ADAM2: variants seen among roughly 807,000 people sequenced by gnomAD.
ADAM2 encodes the protein ADAM metallopeptidase domain 2, also known as disintegrin and metalloproteinase domain-containing protein 2.
ADAM2 carries 101 observed loss-of-function variants against 99.3 expected under a neutral mutation model. The ratio of observed to expected loss-of-function variants is 1.02; its 90% confidence interval spans 0.87 to 1.20. ADAM2 has a LOEUF of 1.20. Ranked by LOEUF, ADAM2 falls within the 50% of genes most tolerant of loss-of-function variation. The pLI is 0.00. For missense variants in ADAM2, 948 were observed against 878.7 expected (o/e 1.08, Z -1.00); for synonymous variants, 323 against 287.6 (o/e 1.12, Z -1.25).
At chr8:39,835,075 G>A (rs552681427) in intron 2 of ADAM2, among the ~76,000 whole-genome samples, 4 of 152,192 alleles carry the variant, frequency 2.6e-5, no homozygotes, top group South Asian at 2.1e-4. Flanking sequence ...ATATGCTTAC[G>A]TTCTGAGGCA....
chr8:39,777,670 T>C (rs1484751789), intron 10 of ADAM2, among the ~76,000 whole-genome samples: 1 of 151,952 alleles, frequency 6.6e-6, no homozygotes, highest in Non-Finnish European at 1.5e-5. Flanking sequence ...TGTTGAAATA[T>C]GTGAGTGGAA....
At chr8:39,814,870 T>C (rs907708231) in intron 6 of ADAM2, among the ~76,000 whole-genome samples, 13 of 150,948 alleles carry the variant, frequency 8.6e-5, no homozygotes, top group Non-Finnish European at 7.4e-5. Flanking sequence ...TTATATGTGA[T>C]GATAACAAGC....
At chr8:39,764,833 G>A (rs1039877449) in intron 14 of ADAM2, among the ~76,000 whole-genome samples, 1 of 151,998 alleles carries the variant, frequency 6.6e-6, no homozygotes, top group Non-Finnish European at 1.5e-5. Context: ...GGCCAACATG[G>A]CAAAACCCTA....
At chr8:39,775,148 T>A (rs1802939653) in intron 11 of ADAM2, among the ~76,000 whole-genome samples, 1 of 152,170 alleles carries the variant, frequency 6.6e-6, no homozygotes. Context: ...CTAAAGTGGC[T>A]GAAGTTTGCT....
rs1802360936 is a variant in ADAM2, at chr8:39,761,275, T to C, written c.1514A>G (p.Glu505Gly). ...AGAATAACATTCTGAAGGGCCAAAC[T>C]CTACTTCTGAAAATAAAAAGGTGAG... Reference protein sequence around the residue: ...QCTDTFGKEVEFGPSECYSHL... With the variant: ...QCTDTFGKEVGFGPSECYSHL... Residue 505 changes from glutamate (E) to glycine (G), a missense_variant, in exon 15 of 21, where the codon GAG becomes GGG. Physicochemically the swap from Glu to Gly is moderately conservative, Grantham distance 98. Coordinates refer to ENST00000265708, the MANE Select transcript of ADAM2 (RefSeq NM_001464.5). 6.3e-7 allele frequency: 1 copy of C among 1,583,612 alleles called. No homozygotes were observed. The highest frequency in any genetic ancestry group is 8.6e-7 in the Non-Finnish European group (1 of 1,164,044).
At chr8:39,827,968 T>C (rs1041750007) in intron 3 of ADAM2, among the ~76,000 whole-genome samples, 1 of 152,178 alleles carries the variant, frequency 6.6e-6, no homozygotes, top group South Asian at 2.1e-4. Flanking sequence ...TGTTGCGAAC[T>C]GTTTATATAT....
chr8:39,766,757 A>G (rs1802580850), intron 14 of ADAM2, 91 bp downstream of exon 14: 10 of 955,184 alleles, frequency 1.0e-5, no homozygotes, highest in Middle Eastern at 2.2e-4. Context: ...TAAATGTGAC[A>G]TTTTAAAAAT....
rs539407409 is a variant in ADAM2, at chr8:39,788,021, A to G, written c.809+64T>C. 10 of 1,091,866 alleles carry G rather than the reference A, an allele frequency of 9.2e-6. No homozygotes were observed. The East Asian group carries it at 1.4e-4, about 15-fold the overall frequency. 67.6% of individuals were successfully genotyped at this position (1,091,866 alleles called of 1,614,324 possible). Reference sequence around the variant, plus strand: ...TTAATACACATTTATCAACAGTAAGATATTCGGTCAAATTGCATAAATTTT... The same window carrying G: ...TTAATACACATTTATCAACAGTAAGGTATTCGGTCAAATTGCATAAATTTT... On this transcript the variant is annotated intron_variant, in intron 9 of 20. Coordinates refer to ENST00000265708, the MANE Select transcript of ADAM2 (RefSeq NM_001464.5).
chr8:39,806,246 A>C (rs949975970), intron 7 of ADAM2, among the ~76,000 whole-genome samples: 1 of 152,154 alleles, frequency 6.6e-6, no homozygotes, highest in Middle Eastern at 3.4e-3. Flanking sequence ...CAGGCTCAAA[A>C]AATGAAAACG....
chr8:39,763,801 C>T (rs977751657), intron 14 of ADAM2, among the ~76,000 whole-genome samples: 11 of 152,174 alleles, frequency 7.2e-5, no homozygotes, highest in African/African-American at 2.7e-4. Flanking sequence ...GGTTCACTGA[C>T]AACAAAGGCA....
At chr8:39,781,861 G>A (rs1002955834) in intron 10 of ADAM2, among the ~76,000 whole-genome samples, 10 of 152,108 alleles carry the variant, frequency 6.6e-5, no homozygotes, top group Non-Finnish European at 1.0e-4. Flanking sequence ...TGGTGTTGGT[G>A]GAAGGACATA....
At chr8:39,809,376 A>G in intron 7 of ADAM2, 34 bp downstream of exon 7, 1 of 834,618 alleles carries the variant, frequency 1.2e-6, no homozygotes, top group Non-Finnish European at 2.0e-6. Context: ...CATTGCAAAT[A>G]TTAAGGGACA....
intron 6 of ADAM2, chr8:39,818,230 A>G (rs759797292): frequency 6.6e-6 from 1 of 152,118 alleles, no homozygotes; most frequent in African/African-American, 2.4e-5. Context: ...ATTATGCACT[A>G]TAACAAAGAG....
intron 10 of ADAM2, among the ~76,000 whole-genome samples, chr8:39,781,706 G>A (rs1051492043): frequency 6.6e-6 from 1 of 152,108 alleles, no homozygotes; most frequent in African/African-American, 2.4e-5. Context: ...AAATCAAACA[G>A]TTTTGTTGAA....
intron 6 of ADAM2, among the ~76,000 whole-genome samples, chr8:39,818,976 C>A (rs1805064799): frequency 6.6e-6 from 1 of 151,880 alleles, no homozygotes; most frequent in Admixed American, 6.6e-5. Flanking sequence ...TCAGGTTTAT[C>A]TACAGATTCA....
At chr8:39,790,965 A>G (rs1409853514) in intron 7 of ADAM2, among the ~76,000 whole-genome samples, 1 of 151,992 alleles carries the variant, frequency 6.6e-6, no homozygotes, top group Non-Finnish European at 1.5e-5. Context: ...TAAAGAGCAG[A>G]GTGCTCCCCA....
chr8:39,833,503 T>G (rs938005432), intron 3 of ADAM2, among the ~76,000 whole-genome samples: 1 of 152,250 alleles, frequency 6.6e-6, no homozygotes, highest in East Asian at 1.9e-4. Flanking sequence ...TTTGGCTAAT[T>G]ACAAATTTTA....
rs774922405 is a variant in ADAM2 at position 39,838,171 on chromosome 8, C to G, written c.15G>C (p.Leu5Phe). 1 of 1,614,168 alleles carries G rather than the reference C, an allele frequency of 6.2e-7. No individual in the cohort carries two copies. Among genetic ancestry groups the G allele is most frequent in the Non-Finnish European group, 8.5e-7 (1 of 1,180,038 alleles). MWRV[L>F]FLLSGLGGLR... is the part of the protein sequence containing the mutation. The stretch of plus-strand genomic sequence containing the variant: ...GCCCGCCGAGCCCGCTGAGCAGAAA[C>G]AAGACGCGCCACATGGCTTGAAGTC... The change falls in exon 1 of 21, where the codon TTG becomes TTC. Residue 5 changes from leucine to phenylalanine, a missense_variant. Transcript: ENST00000265708.
chr8:39,799,431 G>T (rs1272505728), intron 7 of ADAM2, among the ~76,000 whole-genome samples: 1 of 152,208 alleles, frequency 6.6e-6, no homozygotes, highest in African/African-American at 2.4e-5. Flanking sequence ...TTTTGCATTT[G>T]CAGAAGAGTG....
Sources: gnomAD v4.1 joint callset for allele counts (sites outside exome capture counted in the v4.1 genomes callset) on GRCh38, gnomAD v4.1.1 for gene constraint, MANE v1.5 for transcripts, NCBI Gene and HGNC (gene_info 2026-07-23, HGNC 2026-07-21) for gene names.